The following MCF2 variants were observed in gnomAD, a reference collection of about 807,000 sequenced individuals.
MCF2 encodes the protein MCF.2 cell line derived transforming sequence.
A neutral mutation model predicts 82.5 loss-of-function variants in MCF2; 44 were observed. The observed-to-expected ratio is 0.53, with a 90% confidence interval of 0.42 to 0.69. The LOEUF (loss-of-function observed/expected upper bound fraction) is 0.69. MCF2 is among the 30% of genes least tolerant of loss of function. The probability of loss-of-function intolerance (pLI) is 0.00; values close to 1 mark genes in which losing one functional copy is unlikely to be tolerated. For missense variants in MCF2, 623 were observed against 663.1 expected, an observed-to-expected ratio of 0.94 and a Z score of 0.66; for synonymous variants, 217 against 224.9, an observed-to-expected ratio of 0.96 and a Z score of 0.32.
chrX:139,676,733 G>A (rs889779296), intron 1 of MCF2, among the ~76,000 whole-genome samples: 4 of 112,105 alleles, frequency 3.6e-5, no homozygotes, highest in African/African-American at 1.3e-4. Flanking sequence ...TATAGTAAGT[G>A]CTCGATAAAT....
chrX:139,675,448 T>C (rs1374190452), intron 1 of MCF2, among the ~76,000 whole-genome samples: 2 of 112,544 alleles, frequency 1.8e-5, no homozygotes, highest in Non-Finnish European at 3.8e-5. Context: ...TTATCTACCT[T>C]TAGTCTTTAA....
Position 139,602,421 on chromosome X carries a change from T to C in MCF2, c.1821A>G (p.Glu607=), listed in dbSNP as rs1383781711. The change falls in exon 16 of 25, where the codon GAA becomes GAG. Residue 607 remains glutamate, a synonymous_variant. Coordinates refer to ENST00000370576, the Ensembl canonical transcript of MCF2. ...ATTACTGTACCTGGAAAAATGCGCA[T>C]TCTGAATACTTCCTCCAAATTGTTT... 10 of 1,196,876 alleles carry C rather than the reference T, an allele frequency of 8.4e-6. No individual in the cohort carries two copies. In the South Asian group the frequency reaches 1.6e-4, roughly 19 times the overall value.
chrX:139,601,170 C>T (rs1248564994), intron 16 of MCF2, among the ~76,000 whole-genome samples: 1 of 110,877 alleles, frequency 9.0e-6, no homozygotes, highest in Non-Finnish European at 1.9e-5. Context: ...ATCCAATATC[C>T]GTACAACAGA....
chrX:139,640,174 A>G (rs1431748954), intron 1 of MCF2, among the ~76,000 whole-genome samples: 1 of 111,972 alleles, frequency 8.9e-6, no homozygotes, highest in Non-Finnish European at 1.9e-5. Context: ...AAATGGGACA[A>G]ATAACATTTG....
At chrX:139,595,776 A>G (rs1207948115) in intron 19 of MCF2, among the ~76,000 whole-genome samples, 1 of 110,994 alleles carries the variant, frequency 9.0e-6, no homozygotes, top group Non-Finnish European at 1.9e-5. Flanking sequence ...AAAATTCAAA[A>G]GATGAAATGC....
At chrX:139,680,188 A>C (rs1481914392) in intron 1 of MCF2, among the ~76,000 whole-genome samples, 1 of 111,366 alleles carries the variant, frequency 9.0e-6, no homozygotes, top group Non-Finnish European at 1.9e-5. Context: ...CAGTGGTGCA[A>C]TCATAGCTTC....
At chrX:139,613,643 T>A (rs934065566) in intron 10 of MCF2, among the ~76,000 whole-genome samples, 1 of 111,582 alleles carries the variant, frequency 9.0e-6, no homozygotes, top group Admixed American at 9.5e-5. Flanking sequence ...ACACAGCCAG[T>A]ACATGGAGCC....
chrX:139,645,522 T>C (rs1933772286), upstream of MCF2: 3 of 819,834 alleles, frequency 3.7e-6, no homozygotes, highest in African/African-American at 2.1e-5. Context: ...GAAAGTATAA[T>C]ATAAAACAAA....
chrX:139,629,873 A>C (rs1458731655), intron 3 of MCF2, 29 bp from the exon 7 acceptor site: 1 of 1,180,732 alleles, frequency 8.5e-7, no homozygotes, highest in Non-Finnish European at 1.1e-6. Context: ...TACTTTAATT[A>C]TATGGTCACT....
At chrX:139,584,027 A>G (rs1409979389) in intron 24 of MCF2, among the ~76,000 whole-genome samples, 1 of 109,559 alleles carries the variant, frequency 9.1e-6, no homozygotes, top group African/African-American at 3.3e-5. Context: ...ACAAATATGT[A>G]TTATGGTCAT....
intron 6 of MCF2, among the ~76,000 whole-genome samples, chrX:139,622,724 C>A (rs1271099529): frequency 9.3e-6 from 1 of 107,410 alleles, no homozygotes; most frequent in African/African-American, 3.4e-5. Flanking sequence ...CACTCTGGGG[C>A]CTGTTGTGGG....
intron 11 of MCF2, among the ~76,000 whole-genome samples, 175 bp from the exon 16 acceptor site, chrX:139,607,954 G>A (rs1259216507): frequency 9.0e-6 from 1 of 111,628 alleles, no homozygotes; most frequent in African/African-American, 3.3e-5. Context: ...AGTGATTTAA[G>A]TTGCCTAAGA....
chrX:139,706,544 A>C (rs1162594214), intron 1 of MCF2, among the ~76,000 whole-genome samples: 4 of 110,201 alleles, frequency 3.6e-5, no homozygotes, highest in Non-Finnish European at 7.6e-5. Flanking sequence ...GGAACAACAG[A>C]TATTGTGGAC....
At chrX:139,589,718 C>T (rs1929323403) in intron 20 of MCF2, 117 bp downstream of exon 24, 1 of 507,758 alleles carries the variant, frequency 2.0e-6, no homozygotes. Context: ...ATTTAACTGA[C>T]CTACATGAAA....
At chrX:139,614,793 A>T in intron 10 of MCF2, 88 bp downstream of exon 13, 1 of 872,445 alleles carries the variant, frequency 1.1e-6, no homozygotes, top group Non-Finnish European at 1.6e-6. Context: ...ATCTATCCGC[A>T]TTGAAGAATA....
intron 1 of MCF2, among the ~76,000 whole-genome samples, chrX:139,668,668 A>T (rs1052686079): frequency 9.0e-6 from 1 of 111,239 alleles, no homozygotes; most frequent in African/African-American, 3.3e-5. Flanking sequence ...TCTTTCTTGG[A>T]TAATGTATCC....
At chrX:139,614,055 C>G (rs1369161428) in intron 10 of MCF2, among the ~76,000 whole-genome samples, 1 of 110,388 alleles carries the variant, frequency 9.1e-6, no homozygotes, top group African/African-American at 3.3e-5. Flanking sequence ...TTAGATCAGA[C>G]AGACCAAATT....
chrX:139,619,075 G>A (rs1603288535), intron 7 of MCF2, among the ~76,000 whole-genome samples: 1 of 111,021 alleles, frequency 9.0e-6, no homozygotes, highest in East Asian at 2.8e-4. Flanking sequence ...CCTAAAGTGG[G>A]CATTTAAGGA....
intron 19 of MCF2, among the ~76,000 whole-genome samples, chrX:139,594,725 T>C (rs1929888580): frequency 9.3e-6 from 1 of 108,056 alleles, no homozygotes; most frequent in Non-Finnish European, 1.9e-5. Flanking sequence ...AATTGACAAA[T>C]GGGATCTAAT....
Sources: allele counts gnomAD v4.1 joint callset (sites outside exome capture counted in the v4.1 genomes callset), GRCh38; gene constraint gnomAD v4.1.1; transcripts MANE v1.5; gene names NCBI Gene and HGNC (gene_info 2026-07-23, HGNC 2026-07-21).